Variants in KDM2B observed in about 807,000 individuals in gnomAD.
KDM2B encodes the protein lysine-specific demethylase 2B.
In KDM2B, 26 loss-of-function variants were observed where a neutral mutation model predicts 150.0. That is an observed-to-expected ratio of 0.17 (90% CI 0.13 to 0.24). KDM2B has a LOEUF of 0.24. Among genes scored for constraint, KDM2B ranks in the 10% least tolerant of loss-of-function variants. KDM2B has a pLI of 1.00. For missense variants in KDM2B, 1,265 were observed against 1,816.9 expected, an observed-to-expected ratio of 0.70 and a Z score of 5.52; for synonymous variants, 734 against 729.5, an observed-to-expected ratio of 1.01 and a Z score of -0.10.
chr12:121,519,424 T>C (rs1201329059), intron 9 of KDM2B, among the ~76,000 whole-genome samples: 1 of 152,122 alleles, frequency 6.6e-6, no homozygotes, highest in Non-Finnish European at 1.5e-5. Flanking sequence ...GTGGTCTGGC[T>C]ACAGAATGGA....
intron 11 of KDM2B, among the ~76,000 whole-genome samples, chr12:121,504,868 G>A (rs1159118179): frequency 2.6e-5 from 4 of 152,114 alleles, no homozygotes; most frequent in Non-Finnish European, 4.4e-5. Flanking sequence ...TGTAATCCCA[G>A]CACTATGGGA....
chr12:121,557,377 A>C (rs1251889933), intron 4 of KDM2B, among the ~76,000 whole-genome samples: 1 of 151,662 alleles, frequency 6.6e-6, no homozygotes, highest in Non-Finnish European at 1.5e-5. Flanking sequence ...AGCTGGGATT[A>C]CAGGCGCCTA....
chr12:121,445,144 C>T (rs1474933058), intron 14 of KDM2B, 131 bp downstream of exon 14: 7 of 1,091,460 alleles, frequency 6.4e-6, no homozygotes, highest in African/African-American at 1.6e-5. Flanking sequence ...CCTTGACACA[C>T]AGGATCACCC....
At position 121,467,140 on chromosome 12, in the gene KDM2B, C is replaced by A. The variant is rs1335355003; in HGVS notation, c.1735-13796G>T. 3.6e-6 allele frequency: 4 copies of A among 1,123,408 alleles called. No individual in the cohort carries two copies. The African/African-American group carries it at 6.8e-5, about 19-fold the overall frequency. 69.6% of individuals were successfully genotyped at this position (1,123,408 alleles called of 1,614,324 possible). Reference sequence around the variant, plus strand: ...CGTGCGGCGGGTCCCTCCCTCAGCCCCACCCCGGGCCGCCGACCTGGTCCG... The same window carrying A: ...CGTGCGGCGGGTCCCTCCCTCAGCCACACCCCGGGCCGCCGACCTGGTCCG... On this transcript the variant is annotated intron_variant, in intron 12 of 22. Transcript: ENST00000377071. This position sits in a 1 kb window ranked among gnomAD's most constrained non-coding sequence, Gnocchi z 5.1.
In KDM2B at chr12:121,436,297, G is replaced by A. The variant is rs189554276; in HGVS notation, c.3829+3560C>T. 5.1e-4 allele frequency among the ~76,000 whole-genome samples: 78 copies of A among 152,276 alleles called. 1 individual carries two copies. The highest frequency in any genetic ancestry group is 1.7e-3 in the South Asian group (8 of 4,832). On this transcript the variant is annotated intron_variant, in intron 22 of 22. Coordinates refer to ENST00000377071, the MANE Select transcript of KDM2B (RefSeq NM_032590.5). The stretch of plus-strand genomic sequence containing the variant: ...AGCACTTTGGGAGGCCGAGGCGGGC[G>A]GATCACGAGGTCAGGAGATCGAAAC...
intron 12 of KDM2B, among the ~76,000 whole-genome samples, chr12:121,487,795 T>TC (rs1459931040): frequency 7.4e-6 from 1 of 135,250 alleles, no homozygotes; most frequent in East Asian, 2.0e-4. Flanking sequence ...AGCAGCTTCT[T>TC]TTTTTTTTTT....
chr12:121,440,597 G>A (rs1285983230), intron 21 of KDM2B: 14 of 533,192 alleles, frequency 2.6e-5, no homozygotes, highest in African/African-American at 1.0e-4. Flanking sequence ...CAGGAAAGCA[G>A]AGAGACGCAC....
intron 12 of KDM2B, among the ~76,000 whole-genome samples, chr12:121,491,450 C>T (rs1337297595): frequency 6.6e-6 from 1 of 152,110 alleles, no homozygotes; most frequent in Non-Finnish European, 1.5e-5. Context: ...TCTTCTTCTG[C>T]TTCACACCAT....
chr12:121,572,822 A>ATTTT (rs33946368), intron 4 of KDM2B, among the ~76,000 whole-genome samples: 1 of 100,202 alleles, frequency 1.0e-5, no homozygotes, highest in Non-Finnish European at 2.0e-5. Context: ...ACCTGGATAA[A>ATTTT]TTTTTTTTTT....
chr12:121,545,423 C>CT (rs200989469), intron 6 of KDM2B, among the ~76,000 whole-genome samples: 2,795 of 148,148 alleles, frequency 0.019, 59 homozygotes, highest in South Asian at 0.066. Flanking sequence ...GTGAGCCTCA[C>CT]TTTTTTTTTT....
At chr12:121,568,641 C>A (rs114341150) in intron 4 of KDM2B, among the ~76,000 whole-genome samples, 5 of 152,242 alleles carry the variant, frequency 3.3e-5, no homozygotes, top group African/African-American at 1.2e-4. Flanking sequence ...ACAGGCGAAA[C>A]TCATCCAAGG....
In KDM2B at chr12:121,430,395, A is replaced by T; in HGVS notation, c.3904T>A (p.Tyr1302Asn). 1 of 1,614,110 alleles carries T rather than the reference A, an allele frequency of 6.2e-7. No homozygotes were observed. The highest frequency in any genetic ancestry group is 8.5e-7 in the Non-Finnish European group (1 of 1,180,012). The change falls in exon 23 of 23, where the codon TAC (tyrosine) becomes AAC (asparagine). Residue 1302 changes from tyrosine to asparagine, a missense_variant. Around this residue, in one of 11 missense-constraint regions of KDM2B, gnomAD observed 251 missense variants for 397.8 expected, o/e 0.63. Coordinates refer to ENST00000377071, the MANE Select transcript of KDM2B (RefSeq NM_032590.5). This position sits in a 1 kb window ranked among gnomAD's most constrained non-coding sequence, Gnocchi z 4.4. ...CCTTCCTTGGTGACTTGCTTGCAGT[A>T]CCTCAGGTCAATATGACAGATGTTT... ...CGNICHIDLR[Y>N]CKQVTKEGCE...
intron 10 of KDM2B, among the ~76,000 whole-genome samples, chr12:121,512,441 T>C (rs1171649158): frequency 6.6e-6 from 1 of 151,056 alleles, no homozygotes; most frequent in Non-Finnish European, 1.5e-5. Context: ...AAAAAAAGAA[T>C]CTAAAAATCC....
At chr12:121,440,155 C>T in intron 21 of KDM2B, 80 bp from the exon 22 acceptor site, 1 of 1,006,112 alleles carries the variant, frequency 9.9e-7, no homozygotes, top group African/African-American at 1.6e-5. Context: ...CTCTAAAAGG[C>T]CCACCAGCCA....
intron 4 of KDM2B, among the ~76,000 whole-genome samples, chr12:121,563,483 C>T (rs1235753684): frequency 6.6e-6 from 1 of 151,538 alleles, no homozygotes; most frequent in African/African-American, 2.4e-5. Context: ...GGCGGCTGCC[C>T]GTAATCCTGG....
chr12:121,500,930 GTC>G (rs1410847892), intron 11 of KDM2B, among the ~76,000 whole-genome samples: 8 of 152,140 alleles, frequency 5.3e-5, no homozygotes, highest in Non-Finnish European at 8.8e-5. Context: ...GTGAGACCCT[GTC>G]TCTACTGAAA....
intron 13 of KDM2B, among the ~76,000 whole-genome samples, chr12:121,449,686 C>T (rs1876899718): frequency 6.6e-6 from 1 of 152,200 alleles, no homozygotes; most frequent in Admixed American, 6.5e-5. Context: ...TAAAAACCAA[C>T]AGTTGCTATA....
intron 12 of KDM2B, among the ~76,000 whole-genome samples, chr12:121,483,776 G>A (rs1457996604): frequency 6.6e-6 from 1 of 152,132 alleles, no homozygotes; most frequent in Non-Finnish European, 1.5e-5. Flanking sequence ...GTGCAGTGGG[G>A]AGAGAAGTGT....
intron 6 of KDM2B, chr12:121,536,217 AC>A (rs1888081191): frequency 2.4e-6 from 1 of 410,640 alleles, no homozygotes; most frequent in Non-Finnish European, 3.3e-6. Flanking sequence ...TTTCAGGTGG[AC>A]CGGGGGCTCA....
Sources: allele counts gnomAD v4.1 joint callset (sites outside exome capture counted in the v4.1 genomes callset), GRCh38; gene constraint gnomAD v4.1.1; regional missense constraint gnomAD v4.1.1; non-coding constraint Gnocchi (gnomAD v3.1); transcripts MANE v1.5; gene names NCBI Gene and HGNC (gene_info 2026-07-23, HGNC 2026-07-21).